Variants in EYS observed in about 807,000 individuals in gnomAD.
EYS encodes the protein protein eyes shut homolog.
EYS carries 250 observed loss-of-function variants against 282.1 expected under a neutral mutation model. The observed-to-expected ratio is 0.89, with a 90% CI of 0.80 to 0.98. The LOEUF (loss-of-function observed/expected upper bound fraction) is 0.98. EYS is among the 50% of genes least tolerant of loss of function. The probability of loss-of-function intolerance (pLI) is 0.00; values close to 1 mark genes in which losing one functional copy is unlikely to be tolerated. For missense variants in EYS, 4,016 were observed against 3,709.0 expected (o/e 1.08, Z -2.15); for synonymous variants, 1,355 against 1,282.9 (o/e 1.06, Z -1.20).
At chr6:64,525,226 A>C (rs1021241624) in intron 26 of EYS, among the ~76,000 whole-genome samples, 7 of 151,788 alleles carry the variant, frequency 4.6e-5, no homozygotes, top group Admixed American at 6.6e-5. Flanking sequence ...CATGCACACA[A>C]ATGTTCATTG....
rs554171975 is a variant in EYS, at chr6:63,834,756, T to C, written c.7229-28384A>G. Among the ~76,000 whole-genome samples the C allele has an allele frequency of 6.1e-4, 93 of 152,146 alleles. 3 individuals carry two copies. Among genetic ancestry groups the C allele is most frequent in the Non-Finnish European group, 7.4e-4 (50 of 68,004 alleles). On this transcript the variant is annotated intron_variant, in intron 36 of 42. Transcript: ENST00000503581. ...TGCTGTATAGACACATGCACGTGTA[T>C]GTTTACTGTGGCACTATTCACAATA...
At chr6:63,930,272 A>C in intron 35 of EYS, among the ~76,000 whole-genome samples, 1 of 102,536 alleles carries the variant, frequency 9.8e-6, no homozygotes, top group African/African-American at 2.9e-5. Context: ...TAAAAATGTA[A>C]GAAACCCACC....
intron 12 of EYS, among the ~76,000 whole-genome samples, chr6:65,130,923 A>G (rs1361590584): frequency 6.6e-6 from 1 of 151,674 alleles, no homozygotes; most frequent in Non-Finnish European, 1.5e-5. Flanking sequence ...TAAAAATGCA[A>G]TTAACTAACT....
chr6:64,419,149 T>C (rs924836690), intron 28 of EYS, among the ~76,000 whole-genome samples: 1 of 152,196 alleles, frequency 6.6e-6, no homozygotes, highest in Non-Finnish European at 1.5e-5. Flanking sequence ...GTAGCTATAT[T>C]AGTCCATTCT....
intron 35 of EYS, among the ~76,000 whole-genome samples, chr6:63,928,036 G>GA (rs1018128335): frequency 3.3e-5 from 5 of 152,268 alleles, no homozygotes; most frequent in Admixed American, 1.3e-4. Flanking sequence ...GGTTTCCGAT[G>GA]AGCTGTGTAA....
At chr6:64,766,663 T>A (rs1337955459) in intron 22 of EYS, among the ~76,000 whole-genome samples, 46 of 74,306 alleles carry the variant, frequency 6.2e-4, no homozygotes, top group African/African-American at 1.3e-3. Context: ...TATATATATA[T>A]ATATATATAT....
chr6:65,646,783 T>G (rs1286750394), intron 1 of EYS, among the ~76,000 whole-genome samples: 1 of 152,058 alleles, frequency 6.6e-6, no homozygotes, highest in Admixed American at 6.5e-5. Flanking sequence ...AAGACTTATC[T>G]AAAAAGCTCC....
intron 35 of EYS, among the ~76,000 whole-genome samples, chr6:63,959,451 T>G (rs186637080): frequency 2.6e-5 from 4 of 152,282 alleles, no homozygotes; most frequent in African/African-American, 9.6e-5. Context: ...GAAGACAGTG[T>G]GGCAATTCTT....
chr6:63,899,978 T>C (rs1438581373), intron 35 of EYS, among the ~76,000 whole-genome samples: 3 of 152,210 alleles, frequency 2.0e-5, no homozygotes. Flanking sequence ...TAAGAATATT[T>C]TTCAGTGAAA....
At chr6:65,434,829 A>C (rs1406638996) in intron 5 of EYS, among the ~76,000 whole-genome samples, 1 of 152,088 alleles carries the variant, frequency 6.6e-6, no homozygotes, top group African/African-American at 2.4e-5. Flanking sequence ...CTTAATTTAT[A>C]CTGCTACTTC....
At chr6:65,665,528 A>G (rs797019264) in intron 1 of EYS, among the ~76,000 whole-genome samples, 4 of 152,272 alleles carry the variant, frequency 2.6e-5, no homozygotes, top group African/African-American at 9.6e-5. Flanking sequence ...GCTTAGCATC[A>G]TGCATGGCAT....
At chr6:65,519,593 T>A (rs9453315) in intron 2 of EYS, among the ~76,000 whole-genome samples, 29,793 of 145,866 alleles carry the variant, frequency 0.2, 4,094 homozygotes, top group African/African-American at 0.39. Flanking sequence ...TCATGAAATA[T>A]CACAGTTAAT....
intron 8 of EYS, among the ~76,000 whole-genome samples, chr6:65,354,347 G>T (rs1331021282): frequency 6.6e-6 from 1 of 151,996 alleles, no homozygotes; most frequent in Non-Finnish European, 1.5e-5. Context: ...GAATTTGGCA[G>T]AGAAAAACAC....
chr6:63,738,935 C>G (rs1246494899), intron 41 of EYS, among the ~76,000 whole-genome samples: 3 of 152,108 alleles, frequency 2.0e-5, no homozygotes, highest in Non-Finnish European at 4.4e-5. Flanking sequence ...GAGATCGTTG[C>G]TACATACTGA....
intron 26 of EYS, among the ~76,000 whole-genome samples, chr6:64,529,908 T>TCCA (rs1317683221): frequency 6.6e-6 from 1 of 152,006 alleles, no homozygotes; most frequent in Non-Finnish European, 1.5e-5. Context: ...AAACTCAGAA[T>TCCA]CCAATGTTAG....
At chr6:63,850,369 T>A (rs1469464728) in intron 36 of EYS, among the ~76,000 whole-genome samples, 2 of 152,002 alleles carry the variant, frequency 1.3e-5, no homozygotes, top group Non-Finnish European at 2.9e-5. Context: ...CCAAGACATA[T>A]AATCATCAGA....
At chr6:65,278,391 A>T (rs1582093825) in intron 12 of EYS, among the ~76,000 whole-genome samples, 1 of 141,762 alleles carries the variant, frequency 7.1e-6, no homozygotes, top group African/African-American at 2.6e-5. Context: ...ATAGAAATGT[A>T]TTTTATATAT....
chr6:64,594,331 G>A (rs866777987), intron 24 of EYS, among the ~76,000 whole-genome samples: 2 of 152,098 alleles, frequency 1.3e-5, no homozygotes, highest in Non-Finnish European at 2.9e-5. Context: ...GAATAGTGCT[G>A]CAATAAACAT....
At chr6:64,042,656 T>C (rs1261780694) in intron 33 of EYS, among the ~76,000 whole-genome samples, 1 of 152,210 alleles carries the variant, frequency 6.6e-6, no homozygotes, top group Non-Finnish European at 1.5e-5. Context: ...CCACAGTCTT[T>C]ATACGACCTG....
Sources: gnomAD v4.1 joint callset for allele counts (sites outside exome capture counted in the v4.1 genomes callset) on GRCh38, gnomAD v4.1.1 for gene constraint, MANE v1.5 for transcripts, NCBI Gene and HGNC (gene_info 2026-07-23, HGNC 2026-07-21) for gene names.